The following RHBDD1 variants were observed in gnomAD, a reference collection of about 807,000 sequenced individuals.
RHBDD1 encodes rhomboid-related protein 4.
In RHBDD1, 38 loss-of-function variants were observed where a neutral mutation model predicts 36.3. The observed-to-expected ratio is 1.05, with a 90% CI of 0.81 to 1.37. The LOEUF (loss-of-function observed/expected upper bound fraction) is 1.37, where lower values mean the gene tolerates loss of function less well. Ranked by LOEUF, RHBDD1 falls within the 40% of genes most tolerant of loss-of-function variation. The probability of loss-of-function intolerance (pLI) is 0.00; values close to 1 mark genes in which losing one functional copy is unlikely to be tolerated. For missense variants in RHBDD1, 393 were observed against 377.6 expected, an observed-to-expected ratio of 1.04 and a Z score of -0.34; for synonymous variants, 151 against 136.5, an observed-to-expected ratio of 1.11 and a Z score of -0.74.
At chr2:226,862,952 T>C (rs1262250067) in intron 3 of RHBDD1, among the ~76,000 whole-genome samples, 1 of 152,160 alleles carries the variant, frequency 6.6e-6, no homozygotes, top group African/African-American at 2.4e-5. Flanking sequence ...GAGAACTCAC[T>C]CATCCCCTGA....
At position 226,959,309 on chromosome 2, in the gene RHBDD1, A is replaced by G. The variant is rs577465949; in HGVS notation, c.857-36122A>G. On this transcript the variant is annotated intron_variant, in intron 8 of 8. Transcript: ENST00000392062. ...TCTGTTCTTTTCTCAAAAAATTTGTAAAGATTAATTTTTATCATTTGATTG... is the reference window on the plus strand; with the variant it reads ...TCTGTTCTTTTCTCAAAAAATTTGTGAAGATTAATTTTTATCATTTGATTG... Among the ~76,000 whole-genome samples, 12 of 152,334 alleles carry G rather than the reference A, an allele frequency of 7.9e-5. No individual in the cohort carries two copies. In the South Asian group the frequency reaches 2.5e-3, roughly 32 times the overall value.
At chr2:226,956,007 A>T (rs1951764695) in intron 8 of RHBDD1, among the ~76,000 whole-genome samples, 1 of 152,174 alleles carries the variant, frequency 6.6e-6, no homozygotes, top group Non-Finnish European at 1.5e-5. Flanking sequence ...GGATTCATAT[A>T]TTGCAGTCCC....
chr2:226,844,235 C>T (rs1270763116), intron 3 of RHBDD1, among the ~76,000 whole-genome samples: 5 of 152,212 alleles, frequency 3.3e-5, no homozygotes, highest in Non-Finnish European at 5.9e-5. Flanking sequence ...GTCACTATCA[C>T]CTTGGATCAG....
At chr2:226,856,341 A>G (rs992001860) in intron 3 of RHBDD1, among the ~76,000 whole-genome samples, 4 of 152,194 alleles carry the variant, frequency 2.6e-5, no homozygotes, top group Non-Finnish European at 5.9e-5. Flanking sequence ...ATGCAAATAT[A>G]TATTATACCA....
Position 226,897,277 on chromosome 2 carries a change from G to A in RHBDD1, c.567-9516G>A, listed in dbSNP as rs902452691. 2.3e-4 allele frequency among the ~76,000 whole-genome samples: 35 copies of A among 151,428 alleles called. 1 individual carries two copies. Among genetic ancestry groups the A allele is most frequent in the African/African-American group, 8.3e-4 (34 of 41,110 alleles). On this transcript the variant is annotated intron_variant, in intron 5 of 8. Transcript: ENST00000392062. ...AGACAGTTCTGGGTAAAGTAGACTT[G>A]CTTTCTTACACTTAACAGTTTGAGG...
intron 8 of RHBDD1, among the ~76,000 whole-genome samples, chr2:226,985,493 G>C (rs12620715): frequency 0.077 from 11,737 of 152,308 alleles, 497 homozygotes; most frequent in East Asian, 0.18. Flanking sequence ...TTCTTCAGCA[G>C]ATTTAATGTC....
chr2:226,908,986 T>G, intron 7 of RHBDD1, 108 bp downstream of exon 7: 1 of 731,312 alleles, frequency 1.4e-6, no homozygotes, highest in South Asian at 1.8e-5. Context: ...GGTAGGGTCA[T>G]TCACATGTTG....
chr2:226,927,283 T>C (rs951635860), intron 8 of RHBDD1, among the ~76,000 whole-genome samples: 11 of 151,826 alleles, frequency 7.2e-5, no homozygotes, highest in East Asian at 2.0e-4. Context: ...ATATTGATAA[T>C]TTTTTTTCTT....
chr2:226,880,317 T>C (rs1442137369), intron 5 of RHBDD1, among the ~76,000 whole-genome samples: 1 of 152,216 alleles, frequency 6.6e-6, no homozygotes, highest in Non-Finnish European at 1.5e-5. Flanking sequence ...TCTTAGATGT[T>C]CATTTATATA....
At chr2:226,810,104 C>T in the RHBDD1 span, among the ~76,000 whole-genome samples, 1 of 152,178 alleles carries the variant, frequency 6.6e-6, no homozygotes, top group African/African-American at 2.4e-5. Flanking sequence ...AGTTGAAAAT[C>T]TGCATATAAC....
At chr2:226,974,068 C>T (rs560617348) in intron 8 of RHBDD1, among the ~76,000 whole-genome samples, 19 of 152,172 alleles carry the variant, frequency 1.2e-4, no homozygotes, top group Non-Finnish European at 2.6e-4. Flanking sequence ...AGATGGCCGG[C>T]GTTTGTCTCA....
chr2:226,933,504 G>A (rs1214220674), intron 8 of RHBDD1, among the ~76,000 whole-genome samples: 1 of 152,084 alleles, frequency 6.6e-6, no homozygotes, highest in Non-Finnish European at 1.5e-5. Flanking sequence ...CTTACAGTCA[G>A]CCTTTACCAA....
intron 8 of RHBDD1, among the ~76,000 whole-genome samples, chr2:226,938,840 A>C (rs1285974555): frequency 6.6e-6 from 1 of 152,240 alleles, no homozygotes; most frequent in Non-Finnish European, 1.5e-5. Context: ...GGAAAATTTT[A>C]GGCCAATATC....
intron 5 of RHBDD1, among the ~76,000 whole-genome samples, chr2:226,884,879 G>A (rs1466098306): frequency 1.3e-5 from 2 of 151,950 alleles, no homozygotes; most frequent in Admixed American, 6.5e-5. Context: ...AACAGTGAAC[G>A]TAATTTCAAA....
intron 5 of RHBDD1, among the ~76,000 whole-genome samples, chr2:226,880,282 G>A (rs1945607346): frequency 6.6e-6 from 1 of 152,182 alleles, no homozygotes; most frequent in South Asian, 2.1e-4. Context: ...GATTGGTGAA[G>A]TAGGGGACAT....
intron 8 of RHBDD1, among the ~76,000 whole-genome samples, chr2:226,951,155 G>A (rs1951399500): frequency 1.3e-5 from 2 of 151,994 alleles, no homozygotes; most frequent in African/African-American, 2.4e-5. Context: ...CATGGTGTGA[G>A]ATAAAAATCT....
At chr2:226,887,156 T>C (rs1456592286) in intron 5 of RHBDD1, among the ~76,000 whole-genome samples, 1 of 152,224 alleles carries the variant, frequency 6.6e-6, no homozygotes, top group Non-Finnish European at 1.5e-5. Flanking sequence ...GTTCTAAGAC[T>C]GTTTTAAAAG....
chr2:226,869,178 A>G (rs1238600814), intron 5 of RHBDD1: 1 of 985,208 alleles, frequency 1.0e-6, no homozygotes, highest in Non-Finnish European at 1.2e-6. Flanking sequence ...GGATGGTTGC[A>G]TTTCTGTGTC....
chr2:226,857,582 A>G (rs1270126600), intron 3 of RHBDD1, among the ~76,000 whole-genome samples: 2 of 152,214 alleles, frequency 1.3e-5, no homozygotes, highest in African/African-American at 4.8e-5. Context: ...ATACAATAAA[A>G]TACTATTTGA....
Sources: allele counts gnomAD v4.1 joint callset (sites outside exome capture counted in the v4.1 genomes callset), GRCh38; gene constraint gnomAD v4.1.1; transcripts MANE v1.5; gene names NCBI Gene and HGNC (gene_info 2026-07-23, HGNC 2026-07-21).